Variants in SH3PXD2A observed in about 807,000 individuals in gnomAD.
SH3PXD2A encodes SH3 and PX domains 2A, also known as SH3 and PX domain-containing protein 2A.
In SH3PXD2A, 32 loss-of-function variants were observed where a neutral mutation model predicts 115.2. The observed-to-expected ratio is 0.28, with a 90% confidence interval of 0.21 to 0.37. The LOEUF is 0.37. Among genes scored for constraint, SH3PXD2A ranks in the 10% least tolerant of loss-of-function variants. The probability of loss-of-function intolerance (pLI) is 1.00; values close to 1 mark genes in which losing one functional copy is unlikely to be tolerated. For missense variants in SH3PXD2A, 1,328 were observed against 1,498.7 expected, an observed-to-expected ratio of 0.89 and a Z score of 1.88; for synonymous variants, 610 against 629.1, an observed-to-expected ratio of 0.97 and a Z score of 0.45.
chr10:103,683,048 C>G (rs985230313), intron 6 of SH3PXD2A, among the ~76,000 whole-genome samples: 1 of 152,102 alleles, frequency 6.6e-6, no homozygotes, highest in African/African-American at 2.4e-5. Flanking sequence ...GGGCCCCTCT[C>G]CTTCCCTCAG....
chr10:103,834,657 T>G (rs2039512910), intron 1 of SH3PXD2A, among the ~76,000 whole-genome samples: 1 of 152,262 alleles, frequency 6.6e-6, no homozygotes, highest in Non-Finnish European at 1.5e-5. Flanking sequence ...ACAGTGGGGA[T>G]GCCAAGCACC....
intron 13 of SH3PXD2A, among the ~76,000 whole-genome samples, chr10:103,606,481 T>TTCCCTCTCCCTCTCCCCACGGTC (rs2036308586): frequency 6.8e-5 from 3 of 44,308 alleles, no homozygotes; most frequent in Non-Finnish European, 1.4e-4. Context: ...CCCCCTCCCC[T>TTCCCTCTCCCTCTCCCCACGGTC]TCCCTCTCCC....
chr10:103,745,747 G>C (rs779698558), intron 3 of SH3PXD2A, among the ~76,000 whole-genome samples: 27 of 152,044 alleles, frequency 1.8e-4, no homozygotes, highest in Non-Finnish European at 3.8e-4. Flanking sequence ...CTCAGCCTGC[G>C]GCTGCCCTTC....
intron 9 of SH3PXD2A, among the ~76,000 whole-genome samples, chr10:103,624,554 C>T (rs915438328): frequency 2.0e-5 from 3 of 152,208 alleles, no homozygotes; most frequent in African/African-American, 7.2e-5. Flanking sequence ...CACAGCACAC[C>T]TGGGTTCAAG....
At chr10:103,804,423 G>A (rs1274894520) in intron 1 of SH3PXD2A, among the ~76,000 whole-genome samples, 2 of 142,042 alleles carry the variant, frequency 1.4e-5, no homozygotes, top group Middle Eastern at 3.7e-3. Flanking sequence ...CCGGGTTCAC[G>A]CCATTCTCCT....
At chr10:103,792,462 G>T (rs1290861604) in intron 2 of SH3PXD2A, among the ~76,000 whole-genome samples, 1 of 152,118 alleles carries the variant, frequency 6.6e-6, no homozygotes, top group South Asian at 2.1e-4. Context: ...GGGCCTAATT[G>T]GTGACATTTC....
At chr10:103,754,200 T>C (rs1015716822) in intron 3 of SH3PXD2A, 1 of 152,218 alleles carries the variant, frequency 6.6e-6, no homozygotes, top group African/African-American at 2.4e-5. Flanking sequence ...TTTTTCTTTT[T>C]TGAAATTAAA....
chr10:103,736,776 C>G (rs1416789279), intron 3 of SH3PXD2A: 9 of 1,289,258 alleles, frequency 7.0e-6, no homozygotes, highest in Non-Finnish European at 9.1e-6. Context: ...TGATGAAGTG[C>G]TCACCTGTAG....
chr10:103,668,550 C>T (rs931104919), intron 7 of SH3PXD2A, 58 bp downstream of exon 7: 17 of 1,445,234 alleles, frequency 1.2e-5, no homozygotes, highest in South Asian at 4.9e-5. Context: ...CACCGGCTCC[C>T]GCGCACACGG....
At chr10:103,616,080 TG>T (rs2036514637) in intron 11 of SH3PXD2A, among the ~76,000 whole-genome samples, 1 of 151,920 alleles carries the variant, frequency 6.6e-6, no homozygotes, top group African/African-American at 2.4e-5. Context: ...CATGGAGCCA[TG>T]TTCCATCAGG....
At chr10:103,799,260 C>T (rs1252876996) in intron 2 of SH3PXD2A, among the ~76,000 whole-genome samples, 7 of 152,218 alleles carry the variant, frequency 4.6e-5, no homozygotes, top group Admixed American at 4.6e-4. Flanking sequence ...ATAGGATCCG[C>T]CATACCAAAA....
intron 13 of SH3PXD2A, among the ~76,000 whole-genome samples, chr10:103,606,223 A>G (rs1459587934): frequency 1.3e-5 from 2 of 148,788 alleles, no homozygotes; most frequent in Non-Finnish European, 3.0e-5. Flanking sequence ...CATCATCATT[A>G]CTCTGAGATA....
chr10:103,801,983 C>A (rs1179433410), intron 1 of SH3PXD2A, among the ~76,000 whole-genome samples: 2 of 152,192 alleles, frequency 1.3e-5, no homozygotes, highest in Admixed American at 6.5e-5. Flanking sequence ...GGATTACAGG[C>A]ATGAGCCACC....
chr10:103,847,797 C>T (rs34228257), intron 1 of SH3PXD2A, among the ~76,000 whole-genome samples: 132,178 of 152,054 alleles, frequency 0.87, 58,635 homozygotes, highest in East Asian at 0.99. Context: ...AAATTAGCTG[C>T]GTGTGGTGGT....
chr10:103,791,389 G>A (rs1291810788), intron 2 of SH3PXD2A, among the ~76,000 whole-genome samples: 2 of 152,228 alleles, frequency 1.3e-5, no homozygotes, highest in Non-Finnish European at 2.9e-5. Flanking sequence ...GAGGCTCACA[G>A]AGCGAGTCCT....
chr10:103,635,516 G>C (rs993214907), intron 8 of SH3PXD2A, among the ~76,000 whole-genome samples: 4 of 152,204 alleles, frequency 2.6e-5, no homozygotes, highest in African/African-American at 9.7e-5. Context: ...CTCCCAGACA[G>C]GGGCCAGGGG....
intron 6 of SH3PXD2A, among the ~76,000 whole-genome samples, chr10:103,680,207 GA>G (rs1224722637): frequency 6.6e-6 from 1 of 152,008 alleles, no homozygotes; most frequent in Non-Finnish European, 1.5e-5. Context: ...TCAAACTCCT[GA>G]CCTCAAGTAA....
At chr10:103,670,724 G>A (rs946622019) in intron 6 of SH3PXD2A, among the ~76,000 whole-genome samples, 4 of 152,372 alleles carry the variant, frequency 2.6e-5, no homozygotes, top group African/African-American at 9.6e-5. Flanking sequence ...CCCTCCCCAG[G>A]TTCAGCAGTC....
chr10:103,729,379 T>G (rs902824617), intron 4 of SH3PXD2A, among the ~76,000 whole-genome samples: 1 of 152,252 alleles, frequency 6.6e-6, no homozygotes, highest in African/African-American at 2.4e-5. Context: ...TGAAGTTTCT[T>G]CCAGCTCTAA....
Sources: gnomAD v4.1 joint callset for allele counts (sites outside exome capture counted in the v4.1 genomes callset) on GRCh38, gnomAD v4.1.1 for gene constraint, MANE v1.5 for transcripts, NCBI Gene and HGNC (gene_info 2026-07-23, HGNC 2026-07-21) for gene names.